The following EVL variants were observed in gnomAD, a reference collection of about 807,000 sequenced individuals.
EVL encodes Enah/Vasp-like.
A neutral mutation model predicts 59.6 loss-of-function variants in EVL; 21 were observed. The ratio of observed to expected loss-of-function variants is 0.35; its 90% confidence interval spans 0.25 to 0.51. The LOEUF (loss-of-function observed/expected upper bound fraction) is 0.51, where lower values mean the gene tolerates loss of function less well. Ranked by LOEUF, EVL falls within the 20% of genes least tolerant of loss-of-function variation. The pLI is 0.97. For synonymous variants in EVL, 198 were observed against 203.5 expected, an observed-to-expected ratio of 0.97 and a Z score of 0.23; for missense variants, 462 against 546.6, an observed-to-expected ratio of 0.85 and a Z score of 1.54.
At chr14:100,003,829 A>T (rs2060961494) in intron 1 of EVL, among the ~76,000 whole-genome samples, 1 of 152,248 alleles carries the variant, frequency 6.6e-6, no homozygotes, top group Non-Finnish European at 1.5e-5. Flanking sequence ...AATCTGTTAG[A>T]CCAATTACCA....
chr14:100,061,582 C>T (rs953180171), upstream of EVL, among the ~76,000 whole-genome samples: 2 of 151,368 alleles, frequency 1.3e-5, no homozygotes, highest in African/African-American at 4.9e-5. Context: ...TACACGCACA[C>T]ACGCACATGA....
intron 1 of EVL, among the ~76,000 whole-genome samples, chr14:100,073,347 G>A (rs1331542634): frequency 6.7e-6 from 1 of 149,566 alleles, no homozygotes; most frequent in Non-Finnish European, 1.5e-5. Context: ...GGGGAGACAG[G>A]GTCTTGCTCT....
chr14:100,092,883 G>C (rs1748398662), intron 2 of EVL, among the ~76,000 whole-genome samples: 1 of 152,208 alleles, frequency 6.6e-6, no homozygotes, highest in South Asian at 2.1e-4. Flanking sequence ...TGTAGCTTAA[G>C]AACAGACACA....
intron 1 of EVL, among the ~76,000 whole-genome samples, chr14:99,981,521 C>A (rs770549999): frequency 6.6e-6 from 1 of 152,012 alleles, no homozygotes; most frequent in Non-Finnish European, 1.5e-5. Flanking sequence ...CAGATTTTTC[C>A]CCTTTAAAGA....
intron 1 of EVL, among the ~76,000 whole-genome samples, chr14:100,010,560 T>C (rs980940548): frequency 5.9e-5 from 9 of 152,184 alleles, no homozygotes; most frequent in African/African-American, 2.2e-4. Flanking sequence ...CTCGCCCAGC[T>C]AATTCTTTGT....
chr14:100,137,942 G>C, intron 11 of EVL, 140 bp downstream of exon 11: 1 of 804,400 alleles, frequency 1.2e-6, no homozygotes. Flanking sequence ...TGTTCTTTCA[G>C]ACCCAGGACC....
At chr14:100,106,266 A>G (rs1232246932) in intron 3 of EVL, 1 of 152,272 alleles carries the variant, frequency 6.6e-6, no homozygotes, top group Non-Finnish European at 1.5e-5. Flanking sequence ...TTTTTTAACC[A>G]GGTTTAGTAT....
At chr14:100,023,326 T>C (rs1369770005) in intron 1 of EVL, among the ~76,000 whole-genome samples, 4 of 149,394 alleles carry the variant, frequency 2.7e-5, no homozygotes, top group African/African-American at 9.9e-5. Flanking sequence ...TGCCCTAGCC[T>C]CCTGAGCAGC....
intron 12 of EVL, 143 bp downstream of exon 12, chr14:100,141,389 A>G: frequency 2.4e-6 from 2 of 820,342 alleles, no homozygotes; most frequent in African/African-American, 1.7e-5. Context: ...CACGGCAGAA[A>G]GGGGGTGCCC....
At chr14:100,110,942 C>G (rs1886936781) in intron 3 of EVL, among the ~76,000 whole-genome samples, 2 of 152,150 alleles carry the variant, frequency 1.3e-5, no homozygotes, top group African/African-American at 4.8e-5. Flanking sequence ...CAGCACCTTC[C>G]TGACGCCTCC....
chr14:100,134,260 G>C (rs957943801), intron 8 of EVL, among the ~76,000 whole-genome samples: 1 of 152,220 alleles, frequency 6.6e-6, no homozygotes, highest in Non-Finnish European at 1.5e-5. Context: ...CAGCCCTGGG[G>C]ATCTGAAGAC....
chr14:100,119,484 G>A (rs568371325), intron 3 of EVL, among the ~76,000 whole-genome samples: 1 of 152,278 alleles, frequency 6.6e-6, no homozygotes, highest in Non-Finnish European at 1.5e-5. Flanking sequence ...GGGCCGTGGT[G>A]GAACCAGCTG....
chr14:99,977,641 G>A (rs1185027678), intron 1 of EVL, among the ~76,000 whole-genome samples: 1 of 152,018 alleles, frequency 6.6e-6, no homozygotes, highest in Non-Finnish European at 1.5e-5. Flanking sequence ...TCCCTGTGTT[G>A]GCCAGGCTGG....
intron 7 of EVL, 38 bp from the exon 8 acceptor site, chr14:100,132,681 G>A (rs1395944071): frequency 6.2e-7 from 1 of 1,609,296 alleles, no homozygotes; most frequent in African/African-American, 1.3e-5. Context: ...GAGAGAACGT[G>A]AGGAGCTGAT....
Position 100,114,801 on chromosome 14 carries a change from G to A in EVL, c.359-8738G>A, listed in dbSNP as rs1887228254. Among the ~76,000 whole-genome samples the A allele has an allele frequency of 6.6e-6, 1 of 152,152 alleles. No individual in the cohort carries two copies. The highest frequency in any genetic ancestry group is 2.1e-4 in the South Asian group (1 of 4,834). On this transcript the variant is annotated intron_variant, in intron 3 of 13. Transcript: ENST00000392920. The surrounding 1 kb of genome is among the most constrained non-coding windows in gnomAD (Gnocchi z 5.0). ...TTCACTCCCACCTGCTCCGGGGGTG[G>A]GGGTGGGAGTGCTGGATCTTGGGGC...
At chr14:100,111,553 T>C (rs8006662) in intron 3 of EVL, among the ~76,000 whole-genome samples, 137,603 of 152,226 alleles carry the variant, frequency 0.9, 62,451 homozygotes, top group East Asian at 1. Context: ...TGTAAGCATA[T>C]GGCACAGTGA....
intron 1 of EVL, among the ~76,000 whole-genome samples, chr14:100,049,975 G>A (rs543883560): frequency 6.6e-6 from 1 of 152,244 alleles, no homozygotes; most frequent in South Asian, 2.1e-4. Flanking sequence ...TGGCATGTTT[G>A]CATCACTTTC....
At chr14:100,005,232 A>C (rs941663155) in intron 1 of EVL, among the ~76,000 whole-genome samples, 6 of 152,266 alleles carry the variant, frequency 3.9e-5, no homozygotes, top group African/African-American at 1.4e-4. Context: ...AGACAACAGC[A>C]GTCCTTTCTC....
At chr14:100,120,705 C>T (rs1453950868) in intron 3 of EVL, among the ~76,000 whole-genome samples, 3 of 152,150 alleles carry the variant, frequency 2.0e-5, no homozygotes, top group Admixed American at 6.5e-5. Flanking sequence ...GTCGGGGAGG[C>T]GCAGCCACAA....
Sources: allele counts gnomAD v4.1 joint callset (sites outside exome capture counted in the v4.1 genomes callset), GRCh38; gene constraint gnomAD v4.1.1; non-coding constraint Gnocchi (gnomAD v3.1); transcripts MANE v1.5; gene names NCBI Gene and HGNC (gene_info 2026-07-23, HGNC 2026-07-21).